Variants in SH3KBP1 observed in about 807,000 individuals in gnomAD.
SH3KBP1 encodes SH3 domain containing kinase binding protein 1.
SH3KBP1 carries 8 observed loss-of-function variants against 50.1 expected under a neutral mutation model. The ratio of observed to expected loss-of-function variants is 0.16; its 90% CI spans 0.09 to 0.29. SH3KBP1 has a LOEUF of 0.29. Among genes scored for constraint, SH3KBP1 ranks in the 10% least tolerant of loss-of-function variants. The pLI is 1.00. For missense variants in SH3KBP1, 377 were observed against 535.2 expected (o/e 0.70, Z 2.92); for synonymous variants, 227 against 218.6 (o/e 1.04, Z -0.34).
rs1307550144 is a variant in SH3KBP1, at chrX:19,681,767, G to A, written c.726+2056C>T. Among the ~76,000 whole-genome samples the A allele has an allele frequency of 2.7e-5, 3 of 111,640 alleles. No homozygotes were observed. The Admixed American group carries it at 2.8e-4, about 11-fold the overall frequency. On this transcript the variant is annotated intron_variant, in intron 6 of 17. Transcript: ENST00000397821. ...AAGAAAGTGAAGGGAGAGCAGTGGG[G>A]GAGGAAGTCCCAGCAGTAACGAGGG...
intron 9 of SH3KBP1, among the ~76,000 whole-genome samples, chrX:19,603,991 T>G (rs2067169187): frequency 8.9e-6 from 1 of 111,852 alleles, no homozygotes; most frequent in African/African-American, 3.3e-5. Context: ...CTGGCCACTT[T>G]CTTAAATAAC....
intron 8 of SH3KBP1, among the ~76,000 whole-genome samples, chrX:19,620,773 G>T (rs1184642208): frequency 8.9e-6 from 1 of 112,361 alleles, no homozygotes; most frequent in Non-Finnish European, 1.9e-5. Context: ...GGCTTAGATG[G>T]CCTTGTAGGA....
At chrX:19,619,997 T>C (rs997398681) in intron 8 of SH3KBP1, among the ~76,000 whole-genome samples, 1 of 111,434 alleles carries the variant, frequency 9.0e-6, no homozygotes, top group African/African-American at 3.3e-5. Context: ...GCTGAATATA[T>C]AGTCTACTCC....
chrX:19,807,149 T>C (rs191184183), intron 2 of SH3KBP1, among the ~76,000 whole-genome samples: 7 of 112,309 alleles, frequency 6.2e-5, no homozygotes, highest in Admixed American at 1.9e-4. Context: ...CTACTCACAA[T>C]TGCAAATTCA....
intron 6 of SH3KBP1, among the ~76,000 whole-genome samples, chrX:19,669,906 A>G (rs1178769357): frequency 9.4e-6 from 1 of 105,854 alleles, no homozygotes; most frequent in Non-Finnish European, 1.9e-5. Flanking sequence ...TTTTTTTTGT[A>G]ATTTTGAAAA....
At chrX:19,542,349 C>T (rs908817912) in intron 15 of SH3KBP1, among the ~76,000 whole-genome samples, 156 bp from the exon 16 acceptor site, 1 of 112,061 alleles carries the variant, frequency 8.9e-6, no homozygotes, top group African/African-American at 3.2e-5. Flanking sequence ...CAAGGGCCTG[C>T]TTGGTACAGG....
At chrX:19,684,524 AG>A (rs2148595794) in intron 5 of SH3KBP1, among the ~76,000 whole-genome samples, 1 of 112,988 alleles carries the variant, frequency 8.9e-6, no homozygotes, top group East Asian at 2.8e-4. Context: ...GAGCAATTAA[AG>A]AAACCACACA....
At chrX:19,815,311 T>C in intron 2 of SH3KBP1, among the ~76,000 whole-genome samples, 1 of 111,132 alleles carries the variant, frequency 9.0e-6, no homozygotes, top group Non-Finnish European at 1.9e-5. Flanking sequence ...AGATTTTTTT[T>C]AATTTTTATT....
chrX:19,693,032 C>T (rs958449829), intron 5 of SH3KBP1, among the ~76,000 whole-genome samples: 2 of 111,342 alleles, frequency 1.8e-5, no homozygotes, highest in African/African-American at 6.5e-5. Flanking sequence ...TACTATTTCT[C>T]TCTTTCAGGG....
chrX:19,760,909 T>G (rs772801446), intron 2 of SH3KBP1, among the ~76,000 whole-genome samples: 1 of 108,473 alleles, frequency 9.2e-6, no homozygotes, highest in East Asian at 2.9e-4. Context: ...TGTGGTTGGT[T>G]TTGAAGAAGT....
intron 2 of SH3KBP1, among the ~76,000 whole-genome samples, chrX:19,782,864 C>G (rs943453724): frequency 9.0e-6 from 1 of 111,428 alleles, no homozygotes; most frequent in African/African-American, 3.3e-5. Flanking sequence ...CCCAGCACTT[C>G]GAGAGGACAA....
intron 9 of SH3KBP1, among the ~76,000 whole-genome samples, chrX:19,599,511 C>G (rs932443043): frequency 5.4e-5 from 6 of 112,078 alleles, no homozygotes; most frequent in African/African-American, 1.9e-4. Context: ...GTTGCAGAGG[C>G]AGTTGGGAGC....
chrX:19,878,719 C>A (rs1021504608), intron 1 of SH3KBP1, among the ~76,000 whole-genome samples: 14 of 110,164 alleles, frequency 1.3e-4, no homozygotes, highest in African/African-American at 4.3e-4. Flanking sequence ...AAGTTAGAAA[C>A]TTACTAGGGA....
intron 12 of SH3KBP1, among the ~76,000 whole-genome samples, chrX:19,584,869 A>T (rs1057490163): frequency 2.7e-4 from 30 of 111,894 alleles, no homozygotes; most frequent in African/African-American, 9.4e-4. Context: ...GCTTACAGTG[A>T]CTACATGTCC....
intron 5 of SH3KBP1, among the ~76,000 whole-genome samples, chrX:19,689,704 A>C: frequency 1.8e-5 from 2 of 112,301 alleles, no homozygotes; most frequent in Middle Eastern, 9.2e-3. Context: ...TCACTGTTAA[A>C]TATTAGTACT....
intron 13 of SH3KBP1, among the ~76,000 whole-genome samples, chrX:19,563,283 C>T (rs765240121): frequency 8.9e-6 from 1 of 112,374 alleles, no homozygotes; most frequent in African/African-American, 3.2e-5. Flanking sequence ...GAAGGACCAT[C>T]TCCTGTAGGA....
intron 13 of SH3KBP1, among the ~76,000 whole-genome samples, chrX:19,554,137 A>G (rs1422902014): frequency 5.4e-5 from 4 of 73,908 alleles, no homozygotes; most frequent in African/African-American, 2.4e-4. Flanking sequence ...TATCATATTA[A>G]AATATATTAT....
chrX:19,662,486 G>T (rs1041048752), intron 6 of SH3KBP1, among the ~76,000 whole-genome samples: 1 of 111,879 alleles, frequency 8.9e-6, no homozygotes, highest in Non-Finnish European at 1.9e-5. Context: ...TTGATTTAAA[G>T]GCTGTGATCT....
At chrX:19,620,957 T>G (rs1174788523) in intron 8 of SH3KBP1, among the ~76,000 whole-genome samples, 2 of 110,426 alleles carry the variant, frequency 1.8e-5, no homozygotes, top group African/African-American at 3.3e-5. Context: ...TTTTATGTTT[T>G]ACATGTAGAT....
Sources: gnomAD v4.1 joint callset for allele counts (sites outside exome capture counted in the v4.1 genomes callset) on GRCh38, gnomAD v4.1.1 for gene constraint, MANE v1.5 for transcripts, NCBI Gene and HGNC (gene_info 2026-07-23, HGNC 2026-07-21) for gene names.